The following ETNK1 variants were observed in gnomAD, a reference collection of about 807,000 sequenced individuals.
ETNK1 encodes ethanolamine kinase 1, also known as putative protein product of Nbla10396.
ETNK1 carries 8 observed loss-of-function variants against 45.1 expected under a neutral mutation model. That is an observed-to-expected ratio of 0.18 (90% CI 0.10 to 0.32). The LOEUF is 0.32. ETNK1 is among the 10% of genes least tolerant of loss of function. The pLI is 1.00. For missense variants in ETNK1, 302 were observed against 430.6 expected (o/e 0.70, Z 2.64); for synonymous variants, 152 against 151.9 (o/e 1.00, Z -0.01).
In ETNK1 at chr12:22,671,333, A is replaced by T. The variant is rs1379576094; in HGVS notation, c.762A>T (p.Gly254=). ...ACAACTACCTGGCATATGATATTGG[A>T]AATCATTTCAATGAATTTGCAGGTA... ...SGYNYLAYDI[G]NHFNEFAGVS... Residue 254 remains glycine (G), a synonymous_variant, in exon 5 of 8, where the codon GGA becomes GGT. Coordinates refer to ENST00000266517, the MANE Select transcript of ETNK1 (RefSeq NM_018638.5). 6.2e-7 allele frequency: 1 copy of T among 1,605,296 alleles called. No homozygotes were observed.
At position 22,690,166 on chromosome 12, in the gene ETNK1, C is replaced by T. The variant is rs1954291693; in HGVS notation, c.*5212C>T. 6.6e-6 allele frequency: 1 copy of T among 152,348 alleles called. No individual in the cohort carries two copies. The highest frequency in any genetic ancestry group is 2.1e-4 in the South Asian group (1 of 4,826). The allele number at this position is 152,348 out of a possible 1,614,324, so 9.4% of individuals were successfully genotyped here. On this transcript the variant is annotated 3_prime_UTR_variant, in exon 8 of 8. Transcript: ENST00000266517. ...TGTGAACCATAGTAGTATAATGCTG[C>T]TTTGTATATAATGTAAGTGCTACAA...
At chr12:22,640,816 C>T (rs1451556376) in intron 1 of ETNK1, among the ~76,000 whole-genome samples, 2 of 152,160 alleles carry the variant, frequency 1.3e-5, no homozygotes, top group Non-Finnish European at 2.9e-5. Flanking sequence ...CTCTGTAGCT[C>T]ATCCTGTCAG....
At chr12:22,683,932 C>G (rs1954236496) in intron 6 of ETNK1, among the ~76,000 whole-genome samples, 1 of 152,086 alleles carries the variant, frequency 6.6e-6, no homozygotes, top group African/African-American at 2.4e-5. Flanking sequence ...GCTAATTTCC[C>G]TGTAAGTCCA....
rs762441957 is a variant in ETNK1 at position 22,625,212 on chromosome 12, C to CGA, written c.-215_-214dup. On this transcript the variant is annotated 5_prime_UTR_variant, in exon 1 of 8. Coordinates refer to ENST00000266517, the MANE Select transcript of ETNK1 (RefSeq NM_018638.5). ...CAGCTCCGACAACAGGAATTTTCTC[C>CGA]GAGAGCGGGCCGGGCTCAGTTCAGC... is the stretch of plus-strand genomic sequence containing the variant. The CGA allele has an allele frequency of 6.2e-6, 10 of 1,610,048 alleles. No individual in the cohort carries two copies. The South Asian group carries it at 8.8e-5, about 14-fold the overall frequency.
intron 6 of ETNK1, among the ~76,000 whole-genome samples, chr12:22,676,212 A>G (rs1954160424): frequency 6.6e-6 from 1 of 151,936 alleles, no homozygotes. Context: ...CCCTGTGTCC[A>G]TGTGCTCTCA....
At chr12:22,643,243 A>G (rs1244914737) in intron 1 of ETNK1, among the ~76,000 whole-genome samples, 2 of 152,108 alleles carry the variant, frequency 1.3e-5, no homozygotes, top group Non-Finnish European at 2.9e-5. Flanking sequence ...ATTATGGTAG[A>G]TTATATTTGT....
At chr12:22,631,199 A>C (rs981321023) in intron 1 of ETNK1, among the ~76,000 whole-genome samples, 1 of 142,474 alleles carries the variant, frequency 7.0e-6, no homozygotes, top group Admixed American at 7.0e-5. Context: ...TTTGAGATGG[A>C]GTTTCGCTCT....
In ETNK1 at chr12:22,627,997, A is replaced by G. The variant is rs952257680; in HGVS notation, c.156+2411A>G. 3.4e-4 allele frequency among the ~76,000 whole-genome samples: 51 copies of G among 152,154 alleles called. 2 individuals carry two copies. On this transcript the variant is annotated intron_variant, in intron 1 of 7. Transcript: ENST00000266517. ...GGAGTAAATATATCTCATTTTAGAC[A>G]GAATTCCTGTTCTTACTAGATTAAA...
Position 22,688,664 on chromosome 12 carries a change from A to G in ETNK1, c.*3710A>G, listed in dbSNP as rs958547871. ...AAAGTTAGCGATGCTTTATGCTAGG[A>G]AACTTGTTGACAGTAACCTGTGCGA... On this transcript the variant is annotated 3_prime_UTR_variant, in exon 8 of 8. Transcript: ENST00000266517. 1.3e-5 allele frequency: 2 copies of G among 152,330 alleles called. No homozygotes were observed. Among genetic ancestry groups the G allele is most frequent in the Admixed American group, 6.6e-5 (1 of 15,244 alleles). The allele number at this position is 152,330 out of a possible 1,614,324, so 9.4% of individuals were successfully genotyped here.
chr12:22,651,906 G>A (rs868710702), intron 2 of ETNK1, among the ~76,000 whole-genome samples: 11 of 152,024 alleles, frequency 7.2e-5, no homozygotes, highest in African/African-American at 2.4e-4. Context: ...GGCTGGTCTC[G>A]AACTCCAGAC....
chr12:22,658,707 A>T (rs147551057), intron 2 of ETNK1, among the ~76,000 whole-genome samples: 6 of 152,274 alleles, frequency 3.9e-5, no homozygotes, highest in Admixed American at 2.6e-4. Context: ...TAAGAGTAAC[A>T]TCAAAGTAAG....
At chr12:22,635,018 C>T (rs1243484461) in intron 1 of ETNK1, among the ~76,000 whole-genome samples, 1 of 152,122 alleles carries the variant, frequency 6.6e-6, no homozygotes, top group East Asian at 1.9e-4. Flanking sequence ...TTATTCATTA[C>T]ATGTCTTTGT....
chr12:22,664,602 T>TA (rs1954036349), intron 4 of ETNK1, among the ~76,000 whole-genome samples: 2 of 152,120 alleles, frequency 1.3e-5, no homozygotes, highest in South Asian at 4.1e-4. Flanking sequence ...CATTAACACT[T>TA]ATGGCAGCAA....
At chr12:22,662,181 C>T (rs1278152658) in intron 4 of ETNK1, among the ~76,000 whole-genome samples, 3 of 150,574 alleles carry the variant, frequency 2.0e-5, no homozygotes, top group African/African-American at 4.9e-5. Context: ...GATTCTCCTG[C>T]CTCAGCCTCC....
chr12:22,664,242 A>G (rs1395812160), intron 4 of ETNK1, among the ~76,000 whole-genome samples: 1 of 152,026 alleles, frequency 6.6e-6, no homozygotes, highest in Non-Finnish European at 1.5e-5. Context: ...TGCATTTAAT[A>G]TGCAAATAAT....
chr12:22,666,918 A>G (rs1164676312), intron 4 of ETNK1, among the ~76,000 whole-genome samples: 1 of 152,158 alleles, frequency 6.6e-6, no homozygotes, highest in Admixed American at 6.6e-5. Context: ...CATGTTACTC[A>G]TGTTTTAATG....
chr12:22,676,649 T>A (rs572566933), intron 6 of ETNK1, among the ~76,000 whole-genome samples: 8 of 152,158 alleles, frequency 5.3e-5, no homozygotes, highest in Admixed American at 2.0e-4. Flanking sequence ...TTTCTGTTTC[T>A]CCACATCCTC....
rs147700944 is a variant in ETNK1 at position 22,643,871 on chromosome 12, G to A, written c.265G>A (p.Asp89Asn). The change falls in exon 2 of 8, where the codon GAT becomes AAT. Residue 89 changes from aspartate to asparagine, a missense_variant. Coordinates refer to ENST00000266517, the MANE Select transcript of ETNK1 (RefSeq NM_018638.5). ...IYGNKTELLV[D>N]RDEEVKSFRV... ...TGGCAATAAGACTGAGTTATTAGTC[G>A]ATCGAGATGAGGAAGTAAAGAGTTT... is the stretch of plus-strand genomic sequence containing the variant. 7 of 1,613,270 alleles carry A rather than the reference G, an allele frequency of 4.3e-6. No individual in the cohort carries two copies. Among genetic ancestry groups the A allele is most frequent in the African/African-American group, 2.7e-5 (2 of 74,838 alleles).
At chr12:22,663,084 T>C (rs1954022798) in intron 4 of ETNK1, among the ~76,000 whole-genome samples, 1 of 152,210 alleles carries the variant, frequency 6.6e-6, no homozygotes, top group South Asian at 2.1e-4. Context: ...TTTTTAAAAT[T>C]TCGAGCATAC....
Sources: gnomAD v4.1 joint callset for allele counts (sites outside exome capture counted in the v4.1 genomes callset) on GRCh38, gnomAD v4.1.1 for gene constraint, MANE v1.5 for transcripts, NCBI Gene and HGNC (gene_info 2026-07-23, HGNC 2026-07-21) for gene names.